ENTREP2: variants seen among roughly 807,000 people sequenced by gnomAD.
The protein encoded by ENTREP2 is endosomal transmembrane epsin interactor 2, also known as protein ENTREP2.
At chr15:29,299,284 G>C in the ENTREP2 span, among the ~76,000 whole-genome samples, 1 of 152,208 alleles carries the variant, frequency 6.6e-6, no homozygotes, top group Non-Finnish European at 1.5e-5. Flanking sequence ...CTATGGTCAT[G>C]AGGTCTGTGG....
At chr15:29,555,406 T>C in the ENTREP2 span, among the ~76,000 whole-genome samples, 6 of 152,212 alleles carry the variant, frequency 3.9e-5, no homozygotes, top group African/African-American at 1.4e-4. Context: ...TCTCTTTTGG[T>C]ACTCTGTATT....
the ENTREP2 span, among the ~76,000 whole-genome samples, chr15:29,296,696 A>T: frequency 6.6e-6 from 1 of 152,192 alleles, no homozygotes; most frequent in Admixed American, 6.5e-5. Flanking sequence ...CTGGATTGGG[A>T]TATGTATTAG....
the ENTREP2 span, among the ~76,000 whole-genome samples, chr15:29,219,987 C>T: frequency 1.3e-5 from 2 of 151,804 alleles, no homozygotes; most frequent in Non-Finnish European, 2.9e-5. Flanking sequence ...CAACCAAATA[C>T]CACCTGTTCG....
At chr15:29,136,374 C>CA in the ENTREP2 span, 1 of 1,504,340 alleles carries the variant, frequency 6.6e-7, no homozygotes, top group East Asian at 2.6e-5. Context: ...ACCTGGCTGG[C>CA]AGGGGGCTGG....
the ENTREP2 span, among the ~76,000 whole-genome samples, chr15:29,398,723 C>CAAAAAAAAAAAAA: frequency 1.3e-5 from 2 of 152,074 alleles, no homozygotes; most frequent in Non-Finnish European, 2.9e-5. Flanking sequence ...GACTCCGTCT[C>CAAAAAAAAAAAAA]AAAAATAAAA....
At chr15:29,568,936 G>A in the ENTREP2 span, among the ~76,000 whole-genome samples, 2 of 152,052 alleles carry the variant, frequency 1.3e-5, no homozygotes, top group Admixed American at 1.3e-4. Flanking sequence ...ACACCCTTGG[G>A]AACCCAAGGC....
the ENTREP2 span, among the ~76,000 whole-genome samples, chr15:29,645,702 G>A: frequency 4.3e-3 from 656 of 152,016 alleles, 12 homozygotes; most frequent in East Asian, 2.9e-3. Flanking sequence ...GGGACTACAG[G>A]TGCCCGCCAC....
At chr15:29,355,690 TCTAAC>T in the ENTREP2 span, among the ~76,000 whole-genome samples, 4 of 152,196 alleles carry the variant, frequency 2.6e-5, no homozygotes, top group African/African-American at 7.2e-5. Flanking sequence ...GAATTCTGAA[TCTAAC>T]CAAATTACTC....
chr15:29,290,724 C>T, the ENTREP2 span, among the ~76,000 whole-genome samples: 4 of 152,216 alleles, frequency 2.6e-5, no homozygotes, highest in East Asian at 1.9e-4. Flanking sequence ...CTTGTCTATC[C>T]GTGGGCCTCA....
At chr15:29,350,855 A>G in the ENTREP2 span, among the ~76,000 whole-genome samples, 9,611 of 152,278 alleles carry the variant, frequency 0.063, 533 homozygotes, top group African/African-American at 0.14. Context: ...AGGCAGGGCA[A>G]TCGCTTGACC....
At chr15:29,510,901 G>A in the ENTREP2 span, among the ~76,000 whole-genome samples, 1 of 151,736 alleles carries the variant, frequency 6.6e-6, no homozygotes, top group Admixed American at 6.6e-5. Flanking sequence ...GGACATGGAT[G>A]AAGCTGGAAA....
At chr15:29,237,078 A>G in the ENTREP2 span, among the ~76,000 whole-genome samples, 267 of 152,334 alleles carry the variant, frequency 1.8e-3, no homozygotes, top group Non-Finnish European at 3.1e-3. Flanking sequence ...AACATTTGAA[A>G]ATCAATGAAA....
At chr15:29,635,879 G>A in the ENTREP2 span, among the ~76,000 whole-genome samples, 49 of 152,314 alleles carry the variant, frequency 3.2e-4, 1 homozygote, top group South Asian at 7.9e-3. Context: ...GGCTGCTGTC[G>A]TCGATACTGG....
At chr15:29,416,618 A>G in the ENTREP2 span, among the ~76,000 whole-genome samples, 6 of 152,308 alleles carry the variant, frequency 3.9e-5, no homozygotes, top group African/African-American at 1.4e-4. Flanking sequence ...CACCAAAAGC[A>G]ATGGCAACAA....
chr15:29,306,809 G>A, the ENTREP2 span, among the ~76,000 whole-genome samples: 4,393 of 150,934 alleles, frequency 0.029, 199 homozygotes, highest in African/African-American at 0.1. Context: ...GCAGTGGCGC[G>A]ATCTCAGCTC....
chr15:29,479,412 A>G, the ENTREP2 span, among the ~76,000 whole-genome samples: 1 of 151,996 alleles, frequency 6.6e-6, no homozygotes, highest in Non-Finnish European at 1.5e-5. Context: ...ACCCAGGGTC[A>G]GGTATTTCTT....
chr15:29,131,260 C>T, the ENTREP2 span, among the ~76,000 whole-genome samples: 21 of 152,010 alleles, frequency 1.4e-4, no homozygotes, highest in African/African-American at 4.8e-4. Context: ...TTTGAAGACA[C>T]TTTGCTAACA....
the ENTREP2 span, among the ~76,000 whole-genome samples, chr15:29,271,306 T>G: frequency 6.6e-6 from 1 of 152,226 alleles, no homozygotes; most frequent in African/African-American, 2.4e-5. Flanking sequence ...AAATCTGGAC[T>G]TAGGTTCATA....
At chr15:29,219,996 C>G in the ENTREP2 span, among the ~76,000 whole-genome samples, 1 of 151,598 alleles carries the variant, frequency 6.6e-6, no homozygotes, top group African/African-American at 2.4e-5. Flanking sequence ...ACCACCTGTT[C>G]GCCAATAACT....
Sources: gnomAD v4.1 joint callset for allele counts (sites outside exome capture counted in the v4.1 genomes callset) on GRCh38, gnomAD v4.1.1 for gene constraint, MANE v1.5 for transcripts, NCBI Gene and HGNC (gene_info 2026-07-23, HGNC 2026-07-21) for gene names.